Variants in FAM151A observed in about 807,000 individuals in gnomAD.
FAM151A encodes the protein protein FAM151A.
FAM151A carries 41 observed loss-of-function variants against 40.4 expected under a neutral mutation model. That is an observed-to-expected ratio of 1.01 (90% CI 0.79 to 1.32). The LOEUF (loss-of-function observed/expected upper bound fraction) is 1.32, where lower values mean the gene tolerates loss of function less well. Ranked by LOEUF, FAM151A falls within the 40% of genes most tolerant of loss-of-function variation. FAM151A has a pLI of 0.00. For synonymous variants in FAM151A, 337 were observed against 312.5 expected (o/e 1.08, Z -0.83); for missense variants, 740 against 740.4 (o/e 1.00, Z 0.01).
intron 6 of FAM151A, among the ~76,000 whole-genome samples, chr1:54,611,205 G>A (rs1304609147): frequency 1.3e-5 from 2 of 152,110 alleles, no homozygotes; most frequent in African/African-American, 2.4e-5. Flanking sequence ...AGGCCAAGGC[G>A]GGCGGATCAC....
Position 54,609,594 on chromosome 1 carries a change from G to C in FAM151A, c.1432C>G (p.Pro478Ala), listed in dbSNP as rs768857868. The C allele has an allele frequency of 1.9e-6, 3 of 1,613,230 alleles. No homozygotes were observed. Among genetic ancestry groups the C allele is most frequent in the Non-Finnish European group, 2.5e-6 (3 of 1,180,044 alleles). ...AEVFPHVTVAPGWPEEVLGSG... is the reference protein window; with the variant it reads ...AEVFPHVTVAAGWPEEVLGSG... Reference sequence around the variant, plus strand: ...CCCAGCACCTCCTCAGGCCAGCCTGGTGCCACAGTCACGTGGGGGAAGACC... The same window carrying C: ...CCCAGCACCTCCTCAGGCCAGCCTGCTGCCACAGTCACGTGGGGGAAGACC... The change falls in exon 8 of 8, where the codon CCA becomes GCA. Residue 478 changes from proline to alanine, a missense_variant. Pro to Ala is a conservative substitution (Grantham distance 27, BLOSUM62 -1). Transcript: ENST00000302250.
intron 1 of FAM151A, among the ~76,000 whole-genome samples, chr1:54,620,845 CAAAAAAAAAAAAA>C (rs767625864): frequency 3.1e-3 from 38 of 12,132 alleles, no homozygotes; most frequent in South Asian, 4.3e-3. Flanking sequence ...GAGACTCTGT[CAAAAAAAAAAAAA>C]AAAAAAAAAA....
chr1:54,615,910 T>TG (rs1205716392), intron 3 of FAM151A, 110 bp downstream of exon 3: 1 of 1,145,320 alleles, frequency 8.7e-7, no homozygotes, highest in African/African-American at 1.5e-5. Context: ...GCCAAGGCAA[T>TG]GAGCACCTCG....
chr1:54,616,219 A>G (rs1345912755), intron 2 of FAM151A, 47 bp from the exon 3 acceptor site: 1 of 1,525,052 alleles, frequency 6.6e-7, no homozygotes, highest in South Asian at 1.2e-5. Flanking sequence ...TTAAAAAAAG[A>G]AAACTTCTTT....
At position 54,617,754 on chromosome 1, in the gene FAM151A, C is replaced by T. The variant is rs550519437; in HGVS notation, c.263-1582G>A. Among the ~76,000 whole-genome samples the T allele has an allele frequency of 3.5e-3, 394 of 111,610 alleles. 2 individuals are homozygous for T. Among genetic ancestry groups the T allele is most frequent in the Middle Eastern group, 0.016 (2 of 126 alleles). The allele number at this position is 111,610 out of a possible 152,430, so 73.2% of individuals were successfully genotyped here. ...TTTTTTTTTTTTTTTTATGAAGTCT[C>T]GCTCTGTTGCCCAGGCTGGAGTGCT... On this transcript the variant is annotated intron_variant, in intron 2 of 7. Coordinates refer to ENST00000302250, the MANE Select transcript of FAM151A (RefSeq NM_176782.3).
chr1:54,610,276 T>C, intron 7 of FAM151A, 136 bp downstream of exon 7: 1 of 1,502,948 alleles, frequency 6.7e-7, no homozygotes, highest in Non-Finnish European at 8.8e-7. Flanking sequence ...CCCGCAACCC[T>C]GCCCCACCTT....
chr1:54,615,310 G>T (rs61770422), intron 3 of FAM151A, among the ~76,000 whole-genome samples: 13,953 of 152,192 alleles, frequency 0.092, 820 homozygotes, highest in East Asian at 0.22. Flanking sequence ...TTTCAGGGTG[G>T]TGAGGAGATG....
intron 1 of FAM151A, among the ~76,000 whole-genome samples, chr1:54,620,877 A>AAAAAAAAG (rs1644223342): frequency 1.5e-5 from 2 of 135,004 alleles, no homozygotes; most frequent in Non-Finnish European, 3.2e-5. Context: ...AAAAAAAAAA[A>AAAAAAAAG]GGCTGGGTTT....
At position 54,609,834 on chromosome 1, in the gene FAM151A, AG is replaced by A. The variant is rs1644094322; in HGVS notation, c.1191del (p.Cys398AlafsTer18). 5.6e-6 allele frequency: 9 copies of A among 1,614,078 alleles called. No individual in the cohort carries two copies. Among genetic ancestry groups the A allele is most frequent in the Non-Finnish European group, 7.6e-6 (9 of 1,180,048 alleles). ...TPSGNILTLE[S>X]CLQQLATHPG... ...GGATGTGTGGCCAGCTGCTGCAGGC[AG>A]GACTCCAGCGTCAGGATGTTGCCAC... On this transcript the variant is annotated frameshift_variant, in exon 8 of 8. Transcript: ENST00000302250. LOFTEE classifies it low-confidence loss of function (END_TRUNC).
At chr1:54,615,608 G>A (rs185482344) in intron 3 of FAM151A, among the ~76,000 whole-genome samples, 1 of 152,102 alleles carries the variant, frequency 6.6e-6, no homozygotes, top group East Asian at 1.9e-4. Flanking sequence ...CAGCAACTGA[G>A]TTGCCGTGAG....
intron 1 of FAM151A, among the ~76,000 whole-genome samples, chr1:54,621,177 C>G (rs1644226604): frequency 6.7e-6 from 1 of 150,280 alleles, no homozygotes; most frequent in Non-Finnish European, 1.5e-5. Context: ...AAAAAAAAAC[C>G]TGCGCGCGGC....
intron 4 of FAM151A, among the ~76,000 whole-genome samples, chr1:54,614,357 G>A (rs963972326): frequency 2.0e-5 from 3 of 152,150 alleles, no homozygotes; most frequent in Admixed American, 6.5e-5. Flanking sequence ...CCCTCCAGGA[G>A]TTCAATGTAG....
At position 54,611,732 on chromosome 1, in the gene FAM151A, G is replaced by C. The variant is rs368604698; in HGVS notation, c.814C>G (p.Leu272Val). ...LSQSERYSLT[L>V]WQAASDPMSV... ...ATGGGGTCCGAGGCAGCCTGCCACA[G>C]CGTCAGGCTGTACCTGGGGACACGA... Residue 272 changes from leucine (L) to valine (V), a missense_variant, in exon 6 of 8, where the codon CTG (leucine) becomes GTG (valine). Transcript: ENST00000302250. 2.7e-5 allele frequency: 43 copies of C among 1,614,106 alleles called. No homozygotes were observed. The highest frequency in any genetic ancestry group is 3.5e-5 in the Non-Finnish European group (41 of 1,180,002).
chr1:54,611,869 C>T (rs1169911518), intron 5 of FAM151A, 124 bp from the exon 6 acceptor site: 21 of 1,114,130 alleles, frequency 1.9e-5, no homozygotes, highest in African/African-American at 4.6e-5. Context: ...AGTCGCCCAC[C>T]TGCCACTTCT....
intron 5 of FAM151A, among the ~76,000 whole-genome samples, chr1:54,612,108 G>A (rs1289996274): frequency 1.3e-5 from 2 of 150,568 alleles, no homozygotes; most frequent in African/African-American, 4.9e-5. Context: ...TGGAAGGTAG[G>A]GGGTATAGTG....
chr1:54,622,275 CAAAA>C (rs34730286), intron 1 of FAM151A, among the ~76,000 whole-genome samples: 7 of 45,934 alleles, frequency 1.5e-4, no homozygotes, highest in African/African-American at 3.6e-4. Context: ...GACTCTGTCT[CAAAA>C]AAAAAAAAAA....
rs1456335667 is a variant in FAM151A at position 54,609,428 on chromosome 1, G to T, written c.1598C>A (p.Pro533His). The change falls in exon 8 of 8, where the codon CCC (proline) becomes CAC (histidine). Residue 533 changes from proline to histidine, a missense_variant. By Grantham distance (77) the Pro-to-His change is moderately conservative. Coordinates refer to ENST00000302250, the MANE Select transcript of FAM151A (RefSeq NM_176782.3). The stretch of plus-strand genomic sequence containing the variant: ...GTGCTCCACTGTGACGGTGGCCCGG[G>T]GGGAGGATGCCAGCAGCCTGCCTAT... ...GAIGRLLASS[P>H]RATVTVEHNP... 14 of 1,613,774 alleles carry T rather than the reference G, an allele frequency of 8.7e-6. No homozygotes were observed. Among genetic ancestry groups the T allele is most frequent in the East Asian group, 2.2e-5 (1 of 44,898 alleles).
chr1:54,610,360 G>C, intron 7 of FAM151A, 52 bp downstream of exon 7: 1 of 1,593,912 alleles, frequency 6.3e-7, no homozygotes, highest in Non-Finnish European at 8.6e-7. Flanking sequence ...CCCAAGCAAA[G>C]GACACCCCTG....
chr1:54,611,404 AAATAAAT>A (rs1371749080), intron 6 of FAM151A, among the ~76,000 whole-genome samples, 195 bp downstream of exon 6: 1 of 152,134 alleles, frequency 6.6e-6, no homozygotes, highest in East Asian at 1.9e-4. Flanking sequence ...CATCTCAAAA[AAATAAAT>A]AAATAAAAAT....
Sources: allele counts gnomAD v4.1 joint callset (sites outside exome capture counted in the v4.1 genomes callset), GRCh38; gene constraint gnomAD v4.1.1; transcripts MANE v1.5; gene names NCBI Gene and HGNC (gene_info 2026-07-23, HGNC 2026-07-21).